The following UQCC1 variants were observed in gnomAD, a reference collection of about 807,000 sequenced individuals.
UQCC1 encodes the protein bFGF-repressed Zic-binding protein.
UQCC1 carries 38 observed loss-of-function variants against 48.0 expected under a neutral mutation model. That is an observed-to-expected ratio of 0.79 (90% CI 0.61 to 1.04). UQCC1 has a LOEUF of 1.04. Among genes scored for constraint, UQCC1 ranks in the 50% least tolerant of loss-of-function variants. UQCC1 has a pLI of 0.00. For synonymous variants in UQCC1, 111 were observed against 129.2 expected, an observed-to-expected ratio of 0.86 and a Z score of 0.95; for missense variants, 368 against 381.8, an observed-to-expected ratio of 0.96 and a Z score of 0.30.
In UQCC1 at chr20:35,321,749, C is replaced by T. The variant is rs1461513499; in HGVS notation, c.574-6984G>A. Among the ~76,000 whole-genome samples, 3 of 152,080 alleles carry T rather than the reference C, an allele frequency of 2.0e-5. No individual in the cohort carries two copies. The East Asian group carries it at 5.8e-4, about 29-fold the overall frequency. ...ATTTATTTTGAAAATTCTAGTTTTG[C>T]TGCTTGGGATCTACATGTTCAAGAC... On this transcript the variant is annotated intron_variant, in intron 7 of 9. Coordinates refer to ENST00000374385, the MANE Select transcript of UQCC1 (RefSeq NM_018244.5).
At chr20:35,359,031 C>T (rs1020552644) in intron 6 of UQCC1, among the ~76,000 whole-genome samples, 1 of 152,064 alleles carries the variant, frequency 6.6e-6, no homozygotes, top group Admixed American at 6.6e-5. Flanking sequence ...TCAAACCTGG[C>T]GTGCAAATAT....
At chr20:35,392,360 T>C in intron 2 of UQCC1, 1 of 1,138,942 alleles carries the variant, frequency 8.8e-7, no homozygotes, top group Non-Finnish European at 1.2e-6. Context: ...AAATTACATC[T>C]GGTCAGCATG....
chr20:35,381,295 T>C (rs2061864490), intron 4 of UQCC1, among the ~76,000 whole-genome samples: 1 of 152,102 alleles, frequency 6.6e-6, no homozygotes, highest in South Asian at 2.1e-4. Context: ...AAAATATGGG[T>C]CCATCAGAAA....
At chr20:35,321,910 A>C (rs2061135134) in intron 7 of UQCC1, among the ~76,000 whole-genome samples, 2 of 152,212 alleles carry the variant, frequency 1.3e-5, no homozygotes, top group Non-Finnish European at 2.9e-5. Flanking sequence ...CCAAGAGAGA[A>C]GAGATGTATG....
chr20:35,321,982 C>A (rs1396513607), intron 7 of UQCC1, among the ~76,000 whole-genome samples: 1 of 152,194 alleles, frequency 6.6e-6, no homozygotes, highest in Non-Finnish European at 1.5e-5. Flanking sequence ...ATATTAAGTC[C>A]ACAATCATCT....
chr20:35,410,766 A>C (rs1404810185), intron 1 of UQCC1, among the ~76,000 whole-genome samples: 1 of 142,554 alleles, frequency 7.0e-6, no homozygotes, highest in Non-Finnish European at 1.5e-5. Flanking sequence ...AAAAAAAAAA[A>C]AAAAAAAAAA....
At chr20:35,304,122 G>A in intron 9 of UQCC1, 53 bp from the exon 10 acceptor site, 14 of 1,609,084 alleles carry the variant, frequency 8.7e-6, no homozygotes, top group Non-Finnish European at 1.2e-5. Flanking sequence ...GCAGAGGTGA[G>A]GAGCCAGCGT....
At chr20:35,313,292 C>T (rs572021775) in intron 8 of UQCC1, among the ~76,000 whole-genome samples, 11 of 142,062 alleles carry the variant, frequency 7.7e-5, no homozygotes, top group South Asian at 4.6e-4. Context: ...AGAAGAATGG[C>T]GTGAACCTGG....
chr20:35,397,194 C>CT (rs1421699462), intron 1 of UQCC1, among the ~76,000 whole-genome samples: 1 of 143,174 alleles, frequency 7.0e-6, no homozygotes, highest in African/African-American at 2.6e-5. Flanking sequence ...GAGGGAGACT[C>CT]TGTCTCAAAA....
chr20:35,399,582 G>T (rs1203155633), intron 1 of UQCC1, among the ~76,000 whole-genome samples: 1 of 152,018 alleles, frequency 6.6e-6, no homozygotes, highest in Non-Finnish European at 1.5e-5. Flanking sequence ...TAGGCCGGGC[G>T]CAGTGGCTCA....
intron 5 of UQCC1, among the ~76,000 whole-genome samples, chr20:35,368,945 C>A (rs79764625): frequency 4.4e-4 from 67 of 152,104 alleles, no homozygotes; most frequent in African/African-American, 1.4e-3. Context: ...CTCTGAAGCC[C>A]GGATCTGAAG....
intron 7 of UQCC1, among the ~76,000 whole-genome samples, chr20:35,329,124 G>A (rs2061229280): frequency 6.6e-6 from 1 of 152,178 alleles, no homozygotes; most frequent in Non-Finnish European, 1.5e-5. Flanking sequence ...GCACTACCCA[G>A]GCATCAAGCA....
chr20:35,381,706 G>T (rs1213651262), intron 4 of UQCC1, among the ~76,000 whole-genome samples: 4 of 152,112 alleles, frequency 2.6e-5, no homozygotes, highest in Non-Finnish European at 5.9e-5. Context: ...ACATAGAGTG[G>T]TCAAGGAGGA....
intron 7 of UQCC1, among the ~76,000 whole-genome samples, chr20:35,322,829 T>C (rs911268674): frequency 1.3e-5 from 2 of 152,124 alleles, no homozygotes; most frequent in African/African-American, 2.4e-5. Context: ...TTAACTCAGA[T>C]GGTCAGTCTC....
At chr20:35,332,273 A>G (rs979526303) in intron 7 of UQCC1, among the ~76,000 whole-genome samples, 1 of 152,218 alleles carries the variant, frequency 6.6e-6, no homozygotes, top group Non-Finnish European at 1.5e-5. Flanking sequence ...GGACATCTGA[A>G]GCCAAAGGTA....
chr20:35,331,517 C>A (rs77303191), intron 7 of UQCC1, among the ~76,000 whole-genome samples: 8,196 of 152,120 alleles, frequency 0.054, 339 homozygotes, highest in African/African-American at 0.11. Context: ...AGCAAAAACA[C>A]CATTAATTTC....
chr20:35,352,781 C>G (rs904428851), intron 6 of UQCC1, among the ~76,000 whole-genome samples: 4 of 152,190 alleles, frequency 2.6e-5, no homozygotes, highest in African/African-American at 9.7e-5. Context: ...CTCTTGGACT[C>G]AAGCTATCCT....
intron 7 of UQCC1, among the ~76,000 whole-genome samples, chr20:35,326,321 T>C (rs1341351357): frequency 6.6e-6 from 1 of 152,176 alleles, no homozygotes; most frequent in Non-Finnish European, 1.5e-5. Flanking sequence ...AACAGAAAGA[T>C]GAAAACGGAA....
At position 35,347,141 on chromosome 20, in the gene UQCC1, A is replaced by G. The variant is rs976270232; in HGVS notation, c.573+23T>C. On this transcript the variant is annotated intron_variant, in intron 7 of 9. Coordinates refer to ENST00000374385, the MANE Select transcript of UQCC1 (RefSeq NM_018244.5). ...CCCTTCTCTGGAATTGTCCAGGACA[A>G]GCATCTGACAGCACTCACTTACCCC... 4 of 1,614,072 alleles carry G rather than the reference A, an allele frequency of 2.5e-6. No homozygotes were observed. The African/African-American group carries it at 5.3e-5, about 22-fold the overall frequency.
Sources: gnomAD v4.1 joint callset for allele counts (sites outside exome capture counted in the v4.1 genomes callset) on GRCh38, gnomAD v4.1.1 for gene constraint, MANE v1.5 for transcripts, NCBI Gene and HGNC (gene_info 2026-07-23, HGNC 2026-07-21) for gene names.